Variants in SMARCA2 observed in about 807,000 individuals in gnomAD.
SMARCA2 encodes the protein SWI/SNF-related matrix-associated actin-dependent regulator of chromatin subfamily A member 2.
In SMARCA2, 61 loss-of-function variants were observed where a neutral mutation model predicts 199.8. The ratio of observed to expected loss-of-function variants is 0.31; its 90% CI spans 0.25 to 0.38. The LOEUF is 0.38. Among genes scored for constraint, SMARCA2 ranks in the 10% least tolerant of loss-of-function variants. The probability of loss-of-function intolerance (pLI) is 1.00; values close to 1 mark genes in which losing one functional copy is unlikely to be tolerated. For synonymous variants in SMARCA2, 935 were observed against 732.0 expected (o/e 1.28, Z -4.48); for missense variants, 1,344 against 2,012.2 (o/e 0.67, Z 6.35).
chr9:2,064,824 A>T (rs1820757127), intron 9 of SMARCA2, among the ~76,000 whole-genome samples: 1 of 152,230 alleles, frequency 6.6e-6, no homozygotes, highest in African/African-American at 2.4e-5. Flanking sequence ...ACAGTACTTT[A>T]GGGTACATTT....
At chr9:2,166,303 CT>C in intron 28 of SMARCA2, among the ~76,000 whole-genome samples, 1 of 152,116 alleles carries the variant, frequency 6.6e-6, no homozygotes. Flanking sequence ...GGGTGGTTAG[CT>C]TCCTTATTCT....
At chr9:2,178,044 A>C (rs1382032014) in intron 29 of SMARCA2, among the ~76,000 whole-genome samples, 3 of 151,424 alleles carry the variant, frequency 2.0e-5, no homozygotes, top group African/African-American at 7.3e-5. Context: ...TTCCCAGATG[A>C]AGCATAACAA....
chr9:2,094,444 G>A (rs1822186657), intron 19 of SMARCA2, among the ~76,000 whole-genome samples: 1 of 152,196 alleles, frequency 6.6e-6, no homozygotes, highest in Admixed American at 6.5e-5. Context: ...AGGTGCTTGA[G>A]TGTTCTTTCC....
chr9:2,161,949 C>G lies in SMARCA2; in HGVS notation c.4199+46C>G. On this transcript the variant is annotated intron_variant, in intron 28 of 33. Coordinates refer to ENST00000349721, the MANE Select transcript of SMARCA2 (RefSeq NM_003070.5). The surrounding 1 kb of genome is among the most constrained non-coding windows in gnomAD (Gnocchi z 4.7). ...CCTTGATCATCTCTCACCAAGACGCCGAGTGGCGCTCCCTGAGGAGCAGGA... is the reference window on the plus strand; with the variant it reads ...CCTTGATCATCTCTCACCAAGACGCGGAGTGGCGCTCCCTGAGGAGCAGGA... 2 of 1,502,694 alleles carry G rather than the reference C, an allele frequency of 1.3e-6. No homozygotes were observed. The highest frequency in any genetic ancestry group is 1.8e-6 in the Non-Finnish European group (2 of 1,085,964). The allele number at this position is 1,502,694 out of a possible 1,614,324, so 93.1% of individuals were successfully genotyped here.
At chr9:2,147,232 C>T (rs1824801620) in intron 27 of SMARCA2, among the ~76,000 whole-genome samples, 1 of 111,096 alleles carries the variant, frequency 9.0e-6, no homozygotes, top group African/African-American at 3.5e-5. Flanking sequence ...AAAAAATGTA[C>T]TGAGTGACCA....
intron 31 of SMARCA2, 100 bp from the exon 32 acceptor site, chr9:2,185,996 T>TA (rs1827421260): frequency 6.7e-6 from 8 of 1,198,426 alleles, no homozygotes; most frequent in Admixed American, 2.2e-5. Flanking sequence ...ACATTTCTAC[T>TA]AAAATTCATG....
intron 27 of SMARCA2, chr9:2,157,628 G>T (rs1347747776): frequency 2.5e-5 from 9 of 357,108 alleles, no homozygotes; most frequent in Non-Finnish European, 1.5e-5. Context: ...GCTCCTTTCA[G>T]TGTTAAGATG....
At chr9:2,173,050 C>T (rs1826343134) in intron 29 of SMARCA2, among the ~76,000 whole-genome samples, 1 of 152,072 alleles carries the variant, frequency 6.6e-6, no homozygotes, top group Admixed American at 6.6e-5. Context: ...GACTTAGGGG[C>T]AGTCTGGATG....
Position 2,058,282 on chromosome 9 carries a change from A to G in SMARCA2, c.1348-9A>G, listed in dbSNP as rs753531119. 2.5e-6 allele frequency: 4 copies of G among 1,611,612 alleles called. No homozygotes were observed. The South Asian group carries it at 3.3e-5, about 13-fold the overall frequency. On this transcript the variant is annotated splice_polypyrimidine_tract_variant and intron_variant, in intron 7 of 33. Coordinates refer to ENST00000349721, the MANE Select transcript of SMARCA2 (RefSeq NM_003070.5). ...AAGTATCCTTTTCTTCCCTTTTTGG[A>G]TCTTCTAGGAATACCTGAACAGTAT...
chr9:2,060,118 CAAAAA>C (rs372329238), intron 8 of SMARCA2, among the ~76,000 whole-genome samples: 17 of 62,410 alleles, frequency 2.7e-4, no homozygotes, highest in Non-Finnish European at 5.1e-4. Context: ...GATCTGTGGC[CAAAAA>C]AAAAAAAAAA....
intron 27 of SMARCA2, among the ~76,000 whole-genome samples, chr9:2,152,396 A>G (rs1825123249): frequency 6.6e-6 from 1 of 152,012 alleles, no homozygotes; most frequent in South Asian, 2.1e-4. Context: ...TTTACTGAAA[A>G]TACAAGATTA....
At chr9:2,024,875 T>A (rs753645664) in intron 1 of SMARCA2, among the ~76,000 whole-genome samples, 6 of 152,246 alleles carry the variant, frequency 3.9e-5, no homozygotes, top group Non-Finnish European at 8.8e-5. Context: ...TGTGGCAAAA[T>A]GTCTCTTCAA....
intron 4 of SMARCA2, among the ~76,000 whole-genome samples, chr9:2,047,019 T>G (rs1819878425): frequency 6.6e-6 from 1 of 151,608 alleles, no homozygotes; most frequent in South Asian, 2.1e-4. Context: ...TCCGTTTTCT[T>G]TTTCCTTTTA....
At chr9:2,024,137 A>C (rs1341192439) in intron 1 of SMARCA2, among the ~76,000 whole-genome samples, 2 of 152,224 alleles carry the variant, frequency 1.3e-5, no homozygotes, top group African/African-American at 2.4e-5. Flanking sequence ...AGATATTGTC[A>C]AGGTTGGTGT....
At chr9:2,150,851 G>C (rs927003464) in intron 27 of SMARCA2, among the ~76,000 whole-genome samples, 2 of 151,398 alleles carry the variant, frequency 1.3e-5, no homozygotes, top group African/African-American at 4.8e-5. Flanking sequence ...CTACCTCCTT[G>C]GTGTATGTAT....
intron 27 of SMARCA2, among the ~76,000 whole-genome samples, chr9:2,156,590 C>T (rs1028013013): frequency 6.6e-5 from 10 of 151,938 alleles, no homozygotes; most frequent in African/African-American, 2.4e-4. Flanking sequence ...CGCCACCATG[C>T]CCGGCTAATT....
intron 23 of SMARCA2, among the ~76,000 whole-genome samples, chr9:2,106,020 T>A (rs1016169471): frequency 1.3e-5 from 2 of 152,218 alleles, no homozygotes; most frequent in African/African-American, 4.8e-5. Flanking sequence ...GTCCTTTTGT[T>A]AGTAATAGTC....
Position 2,060,118 on chromosome 9 carries a change from C to CAAAAAAAAAA in SMARCA2, c.1522-675_1522-666dup, listed in dbSNP as rs372329238. ...CCATTACTCAGTGCAGATCTGTGGCCAAAAAAAAAAAAAAAAAAAAAAAAA... is the reference window on the plus strand; with the variant it reads ...CCATTACTCAGTGCAGATCTGTGGCCAAAAAAAAAAAAAAAAAAAAAAAAAAAAAAAAAAA... On this transcript the variant is annotated intron_variant, in intron 8 of 33. Transcript: ENST00000349721. 3.7e-4 allele frequency among the ~76,000 whole-genome samples: 23 copies of CAAAAAAAAAA among 62,416 alleles called. 1 individual carries two copies. Among genetic ancestry groups the CAAAAAAAAAA allele is most frequent in the African/African-American group, 9.8e-4 (22 of 22,550 alleles). 40.9% of individuals were successfully genotyped at this position (62,416 alleles called of 152,430 possible).
chr9:2,082,098 A>G (rs913049785), intron 15 of SMARCA2, 103 bp downstream of exon 15: 36 of 949,262 alleles, frequency 3.8e-5, no homozygotes, highest in Non-Finnish European at 5.2e-5. Flanking sequence ...TGTAGCATGT[A>G]CTAACCTAAA....
Sources: gnomAD v4.1 joint callset for allele counts (sites outside exome capture counted in the v4.1 genomes callset) on GRCh38, gnomAD v4.1.1 for gene constraint, Gnocchi (gnomAD v3.1) non-coding constraint, MANE v1.5 for transcripts, NCBI Gene and HGNC (gene_info 2026-07-23, HGNC 2026-07-21) for gene names.